The following CCBE1 variants were observed in gnomAD, a reference collection of about 807,000 sequenced individuals.
The protein encoded by CCBE1 is collagen and calcium-binding EGF domain-containing protein 1.
Under a neutral mutation model 50.0 loss-of-function variants are expected in CCBE1, and 37 were observed. That is an observed-to-expected ratio of 0.74 (90% confidence interval 0.57 to 0.97). CCBE1 has a LOEUF of 0.97. CCBE1 is among the 50% of genes least tolerant of loss of function. CCBE1 has a pLI of 0.00. For missense variants in CCBE1, 538 were observed against 523.8 expected (o/e 1.03, Z -0.26); for synonymous variants, 234 against 203.7 (o/e 1.15, Z -1.27).
chr18:59,461,214 C>T (rs893550816), intron 5 of CCBE1, among the ~76,000 whole-genome samples: 1 of 151,992 alleles, frequency 6.6e-6, no homozygotes, highest in Non-Finnish European at 1.5e-5. Flanking sequence ...TAGGAACTTT[C>T]CACTGCATCA....
At chr18:59,637,446 A>G (rs1408596146) in intron 2 of CCBE1, among the ~76,000 whole-genome samples, 2 of 152,148 alleles carry the variant, frequency 1.3e-5, no homozygotes, top group Non-Finnish European at 2.9e-5. Flanking sequence ...CAAAAGTAAA[A>G]CACACCACAC....
intron 2 of CCBE1, among the ~76,000 whole-genome samples, chr18:59,691,215 T>C (rs3114275): frequency 0.4 from 60,129 of 152,172 alleles, 13,182 homozygotes; most frequent in Non-Finnish European, 0.49. Flanking sequence ...GGCATGGAGC[T>C]AGCCTCTGAG....
At chr18:59,619,732 G>A (rs563637934) in intron 2 of CCBE1, among the ~76,000 whole-genome samples, 3 of 152,098 alleles carry the variant, frequency 2.0e-5, no homozygotes, top group South Asian at 4.1e-4. Flanking sequence ...AATCTCATTG[G>A]CTTATGGTTC....
At chr18:59,478,751 G>A (rs781284745) in intron 3 of CCBE1, among the ~76,000 whole-genome samples, 4 of 152,128 alleles carry the variant, frequency 2.6e-5, no homozygotes, top group African/African-American at 4.8e-5. Context: ...ATTTTCTTTC[G>A]AGTCTGCCAA....
intron 2 of CCBE1, among the ~76,000 whole-genome samples, chr18:59,553,369 A>C (rs1915997176): frequency 6.6e-6 from 1 of 152,246 alleles, no homozygotes; most frequent in African/African-American, 2.4e-5. Context: ...TGAGACCCTG[A>C]GAGGTTGTTA....
chr18:59,603,994 G>A (rs147119443), intron 2 of CCBE1, among the ~76,000 whole-genome samples: 1 of 152,288 alleles, frequency 6.6e-6, no homozygotes, highest in Non-Finnish European at 1.5e-5. Flanking sequence ...CAAAATACAT[G>A]TGACCACTGA....
rs147527391 is a variant in CCBE1, at chr18:59,438,712, G to A, written c.952-566C>T. ...CTTTGGGGTTGGTTTTGGAATTGAA[G>A]ACAATGGCTTTTCAGATTTTGTTCC... On this transcript the variant is annotated intron_variant, in intron 9 of 10. Transcript: ENST00000439986. 9.5e-3 allele frequency among the ~76,000 whole-genome samples: 1,454 copies of A among 152,308 alleles called. 11 individuals carry two copies. Among genetic ancestry groups the A allele is most frequent in the Middle Eastern group, 0.02 (6 of 294 alleles).
chr18:59,495,096 C>T (rs1172516837), intron 2 of CCBE1, among the ~76,000 whole-genome samples: 1 of 150,912 alleles, frequency 6.6e-6, no homozygotes, highest in African/African-American at 2.4e-5. Flanking sequence ...AGCCCGAGAT[C>T]ACACCACTGC....
chr18:59,560,547 C>A (rs971113486), intron 2 of CCBE1, among the ~76,000 whole-genome samples: 3 of 152,122 alleles, frequency 2.0e-5, no homozygotes, highest in African/African-American at 7.2e-5. Flanking sequence ...AGCAAACCAC[C>A]ATGGCACATG....
intron 2 of CCBE1, among the ~76,000 whole-genome samples, chr18:59,601,587 G>A (rs1034025822): frequency 6.6e-6 from 1 of 152,052 alleles, no homozygotes; most frequent in East Asian, 1.9e-4. Context: ...ATGAATACAC[G>A]GGGTTTCACC....
intron 2 of CCBE1, among the ~76,000 whole-genome samples, chr18:59,560,558 T>C (rs1359243646): frequency 6.6e-6 from 1 of 152,130 alleles, no homozygotes; most frequent in East Asian, 1.9e-4. Flanking sequence ...ATGGCACATG[T>C]ATACCTATGT....
Position 59,612,836 on chromosome 18 carries a change from GTTTTTGTTTTTGT to G in CCBE1, c.212+83780_212+83792del, listed in dbSNP as rs1333164343. ...AAGGGTTTTTTTTTTGTTTTTTTTT[GTTTTTGTTTTTGT>G]TTTTTTTAATGTCTGTTAGATGGCT... is the stretch of plus-strand genomic sequence containing the variant. On this transcript the variant is annotated intron_variant, in intron 2 of 10. Transcript: ENST00000439986. Among the ~76,000 whole-genome samples, 9 of 62,808 alleles carry G rather than the reference GTTTTTGTTTTTGT, an allele frequency of 1.4e-4. No individual in the cohort carries two copies. The East Asian group carries it at 6.3e-3, about 44-fold the overall frequency. 41.2% of individuals were successfully genotyped at this position (62,808 alleles called of 152,430 possible). A position where few individuals can be genotyped will look rare whatever the true frequency, so the allele number is the denominator to read the frequency against.
intron 2 of CCBE1, among the ~76,000 whole-genome samples, chr18:59,547,536 TA>T: frequency 6.6e-6 from 1 of 152,074 alleles, no homozygotes; most frequent in Non-Finnish European, 1.5e-5. Flanking sequence ...CAGAGCAATT[TA>T]AATTAGCACA....
chr18:59,494,429 C>A (rs1913251968), intron 2 of CCBE1, among the ~76,000 whole-genome samples: 1 of 151,962 alleles, frequency 6.6e-6, no homozygotes, highest in Non-Finnish European at 1.5e-5. Flanking sequence ...GCATAAGAGG[C>A]TGGAAATAAA....
At chr18:59,529,823 A>G (rs1914979526) in intron 2 of CCBE1, among the ~76,000 whole-genome samples, 1 of 152,308 alleles carries the variant, frequency 6.6e-6, no homozygotes, top group South Asian at 2.1e-4. Flanking sequence ...CCCTGGTGGC[A>G]TTGAAATATC....
At chr18:59,572,798 C>T (rs2851851) in intron 2 of CCBE1, among the ~76,000 whole-genome samples, 98,544 of 152,064 alleles carry the variant, frequency 0.65, 32,988 homozygotes, top group East Asian at 0.89. Context: ...TCATTGAGGA[C>T]GCAATGTCTT....
At chr18:59,577,431 CCT>C (rs1299833092) in intron 2 of CCBE1, among the ~76,000 whole-genome samples, 2 of 152,222 alleles carry the variant, frequency 1.3e-5, no homozygotes, top group East Asian at 3.9e-4. Context: ...TTAAGCTGCC[CCT>C]GATTGATGGC....
intron 2 of CCBE1, among the ~76,000 whole-genome samples, chr18:59,500,580 C>T (rs1356802029): frequency 1.3e-5 from 2 of 152,152 alleles, no homozygotes; most frequent in African/African-American, 4.8e-5. Flanking sequence ...CCCCATGGCA[C>T]CTTCTTAATG....
chr18:59,603,786 C>A (rs1460111045), intron 2 of CCBE1, among the ~76,000 whole-genome samples: 1 of 152,092 alleles, frequency 6.6e-6, no homozygotes, highest in East Asian at 1.9e-4. Context: ...GGAGACCAGG[C>A]AAGTACATTA....
Sources: gnomAD v4.1 joint callset for allele counts (sites outside exome capture counted in the v4.1 genomes callset) on GRCh38, gnomAD v4.1.1 for gene constraint, MANE v1.5 for transcripts, NCBI Gene and HGNC (gene_info 2026-07-23, HGNC 2026-07-21) for gene names.